The following HTR1F variants were observed in gnomAD, a reference collection of about 807,000 sequenced individuals.
HTR1F encodes 5-hydroxytryptamine (serotonin) receptor 1F, G protein-coupled.
In HTR1F, 17 loss-of-function variants were observed where a neutral mutation model predicts 24.0. That is an observed-to-expected ratio of 0.71 (90% confidence interval 0.48 to 1.06). The LOEUF (loss-of-function observed/expected upper bound fraction) is 1.06. Among genes scored for constraint, HTR1F ranks in the 50% least tolerant of loss-of-function variants. The pLI, the probability that HTR1F is intolerant of heterozygous loss-of-function variation, is 0.00. For missense variants in HTR1F, 391 were observed against 427.8 expected (o/e 0.91, Z 0.76); for synonymous variants, 186 against 156.8 (o/e 1.19, Z -1.39).
intron 2 of HTR1F, among the ~76,000 whole-genome samples, chr3:87,883,371 A>C (rs1414778674): frequency 6.6e-6 from 1 of 152,194 alleles, no homozygotes; most frequent in Non-Finnish European, 1.5e-5. Context: ...GGGAGAAACC[A>C]GAGCAGAAAA....
chr3:87,964,077 C>G (rs1211665067), intron 2 of HTR1F, among the ~76,000 whole-genome samples: 1 of 152,130 alleles, frequency 6.6e-6, no homozygotes, highest in Non-Finnish European at 1.5e-5. Flanking sequence ...CTCTAACACC[C>G]TCACAAGCCC....
intron 2 of HTR1F, among the ~76,000 whole-genome samples, chr3:87,841,913 A>G (rs1272327306): frequency 2.6e-5 from 3 of 116,484 alleles, no homozygotes; most frequent in South Asian, 2.3e-4. Flanking sequence ...AAAAAAAAAA[A>G]AAAGAAAAAG....
intron 2 of HTR1F, among the ~76,000 whole-genome samples, chr3:87,966,311 A>T (rs1187343646): frequency 1.3e-5 from 2 of 152,308 alleles, no homozygotes; most frequent in African/African-American, 4.8e-5. Context: ...GGGAGTAAGG[A>T]TTTTAATGTA....
At chr3:87,869,454 T>TAGATAGATGATAGATAGATAGATA (rs113301497) in intron 2 of HTR1F, among the ~76,000 whole-genome samples, 11 of 124,856 alleles carry the variant, frequency 8.8e-5, no homozygotes, top group Middle Eastern at 4.2e-3. Flanking sequence ...GATAGATAGA[T>TAGATAGATGATAGATAGATAGATA]GATAGATAGA....
chr3:87,921,531 G>A (rs1270927721), intron 2 of HTR1F, among the ~76,000 whole-genome samples: 1 of 151,752 alleles, frequency 6.6e-6, no homozygotes, highest in Non-Finnish European at 1.5e-5. Flanking sequence ...TCAAATCAAG[G>A]TAATTAACAT....
At chr3:87,934,481 C>CA (rs758156110) in intron 2 of HTR1F, among the ~76,000 whole-genome samples, 3 of 152,172 alleles carry the variant, frequency 2.0e-5, no homozygotes, top group Non-Finnish European at 4.4e-5. Context: ...GATATCAAGG[C>CA]AAAATCTAAT....
At position 87,934,458 on chromosome 3, in the gene HTR1F, GT is replaced by G. The variant is rs918179673; in HGVS notation, c.-42-56245del. Reference sequence around the variant, plus strand: ...TAAAAAGAACCAGAAGTGCTTGGGAGTTTTTATTCCCTGATATCAAGGCAAA... The same window carrying G: ...TAAAAAGAACCAGAAGTGCTTGGGAGTTTTATTCCCTGATATCAAGGCAAA... On this transcript the variant is annotated intron_variant, in intron 2 of 2. Transcript: ENST00000319595. 3.3e-5 allele frequency among the ~76,000 whole-genome samples: 5 copies of G among 152,318 alleles called. No individual in the cohort carries two copies. The South Asian group carries it at 8.3e-4, about 25-fold the overall frequency.
At chr3:87,972,143 C>A (rs1300078852) in intron 2 of HTR1F, among the ~76,000 whole-genome samples, 1 of 152,182 alleles carries the variant, frequency 6.6e-6, no homozygotes, top group African/African-American at 2.4e-5. Flanking sequence ...GGATTAAAGT[C>A]TGTGCCCTTC....
At chr3:87,953,140 A>G (rs1704870685) in intron 2 of HTR1F, among the ~76,000 whole-genome samples, 1 of 151,726 alleles carries the variant, frequency 6.6e-6, no homozygotes, top group African/African-American at 2.4e-5. Flanking sequence ...CATTAGTCTA[A>G]GCAAATATAT....
intron 2 of HTR1F, among the ~76,000 whole-genome samples, chr3:87,913,933 A>G (rs1478879447): frequency 1.3e-5 from 2 of 152,124 alleles, no homozygotes; most frequent in Non-Finnish European, 2.9e-5. Flanking sequence ...TCGCATCATG[A>G]ATTTTTGCTC....
chr3:87,935,039 T>C lies in HTR1F; in HGVS notation c.-42-55669T>C, dbSNP rs149468406. Among the ~76,000 whole-genome samples the C allele has an allele frequency of 3.9e-4, 59 of 152,224 alleles. No homozygotes were observed. The East Asian group carries it at 6.8e-3, about 17-fold the overall frequency. On this transcript the variant is annotated intron_variant, in intron 2 of 2. Coordinates refer to ENST00000319595, the MANE Select transcript of HTR1F (RefSeq NM_001322209.2). ...TTCCACCAGACCCAACTAATTTTCT[T>C]CATTTGTTTGTAGAAACAAGGTCTC...
intron 2 of HTR1F, among the ~76,000 whole-genome samples, chr3:87,875,595 A>C (rs1705652146): frequency 6.6e-6 from 1 of 152,122 alleles, no homozygotes; most frequent in African/African-American, 2.4e-5. Flanking sequence ...AACTCATAGG[A>C]CACAACAGCA....
At position 87,929,131 on chromosome 3, in the gene HTR1F, C is replaced by A. The variant is rs569144338; in HGVS notation, c.-42-61577C>A. ...ACAGGAATTAGCTATTGTCTGGAAA[C>A]AAATTTCAACAGTTAAGATGTTCCC... On this transcript the variant is annotated intron_variant, in intron 2 of 2. Coordinates refer to ENST00000319595, the MANE Select transcript of HTR1F (RefSeq NM_001322209.2). 3.3e-5 allele frequency among the ~76,000 whole-genome samples: 5 copies of A among 152,228 alleles called. No homozygotes were observed. In the East Asian group the frequency reaches 7.7e-4, roughly 24 times the overall value.
intron 2 of HTR1F, among the ~76,000 whole-genome samples, chr3:87,847,301 G>A (rs1379425536): frequency 6.6e-6 from 1 of 151,686 alleles, no homozygotes; most frequent in Non-Finnish European, 1.5e-5. Context: ...GGTTCTATTT[G>A]ACAATATATA....
intron 2 of HTR1F, among the ~76,000 whole-genome samples, chr3:87,918,338 C>G (rs1191985960): frequency 1.3e-5 from 2 of 152,044 alleles, no homozygotes; most frequent in Non-Finnish European, 2.9e-5. Context: ...CTCACCACTC[C>G]TCTTCAACAC....
intron 2 of HTR1F, among the ~76,000 whole-genome samples, chr3:87,951,744 A>G (rs1419419176): frequency 6.6e-6 from 1 of 151,974 alleles, no homozygotes; most frequent in Non-Finnish European, 1.5e-5. Flanking sequence ...TTATATGCAT[A>G]TATATATGAT....
chr3:87,847,968 T>A (rs550102926), intron 2 of HTR1F, among the ~76,000 whole-genome samples: 1 of 152,114 alleles, frequency 6.6e-6, no homozygotes, highest in East Asian at 1.9e-4. Context: ...ATCTTTGCAA[T>A]AAGCATGTGA....
intron 1 of HTR1F, among the ~76,000 whole-genome samples, chr3:87,802,572 C>T (rs965572013): frequency 6.6e-6 from 1 of 151,878 alleles, no homozygotes; most frequent in Non-Finnish European, 1.5e-5. Context: ...TCTTAAATTC[C>T]TGGCTTCTAG....
At chr3:87,801,596 C>G (rs921270606) in intron 1 of HTR1F, among the ~76,000 whole-genome samples, 6 of 152,092 alleles carry the variant, frequency 3.9e-5, no homozygotes, top group African/African-American at 1.4e-4. Flanking sequence ...GAGGACTTGC[C>G]AGGAGGGAGC....
Sources: allele counts gnomAD v4.1 joint callset (sites outside exome capture counted in the v4.1 genomes callset), GRCh38; gene constraint gnomAD v4.1.1; transcripts MANE v1.5; gene names NCBI Gene and HGNC (gene_info 2026-07-23, HGNC 2026-07-21).